The following ZBTB20 variants were observed in gnomAD, a reference collection of about 807,000 sequenced individuals.
The protein encoded by ZBTB20 is zinc finger and BTB domain containing 20, also known as zinc finger and BTB domain-containing protein 20.
ZBTB20 carries 9 observed loss-of-function variants against 56.9 expected under a neutral mutation model. The ratio of observed to expected loss-of-function variants is 0.16; its 90% CI spans 0.10 to 0.28. The LOEUF is 0.28. Among genes scored for constraint, ZBTB20 ranks in the 10% least tolerant of loss-of-function variants. The probability of loss-of-function intolerance (pLI) is 1.00; values close to 1 mark genes in which losing one functional copy is unlikely to be tolerated. For missense variants in ZBTB20, 655 were observed against 1,003.0 expected, an observed-to-expected ratio of 0.65 and a Z score of 4.69; for synonymous variants, 417 against 420.7, an observed-to-expected ratio of 0.99 and a Z score of 0.11.
At chr3:114,547,401 AAG>A (rs2050022038) in intron 6 of ZBTB20, among the ~76,000 whole-genome samples, 1 of 152,206 alleles carries the variant, frequency 6.6e-6, no homozygotes, top group African/African-American at 2.4e-5. Context: ...AAATAAAAGA[AAG>A]AGGCTGAATG....
At chr3:115,018,608 T>C (rs1421798318) in intron 2 of ZBTB20, among the ~76,000 whole-genome samples, 1 of 151,182 alleles carries the variant, frequency 6.6e-6, no homozygotes. Context: ...ACAAAAAAAA[T>C]GATGATCGCA....
chr3:114,331,684 G>A lies in ZBTB20; in HGVS notation c.*7321C>T, dbSNP rs765374067. On this transcript the variant is annotated 3_prime_UTR_variant, in exon 12 of 12. Coordinates refer to ENST00000675478, the MANE Select transcript of ZBTB20 (RefSeq NM_001348800.3). ...AAGTTTCTCATGAAACGGATACATA[G>A]AAATTACTGATGGTTGGGCTCCTTC... The A allele has an allele frequency of 9.2e-5, 14 of 152,156 alleles. No individual in the cohort carries two copies. Among genetic ancestry groups the A allele is most frequent in the Non-Finnish European group, 1.9e-4 (13 of 68,024 alleles). The allele number at this position is 152,156 out of a possible 1,614,324, so 9.4% of individuals were successfully genotyped here.
chr3:114,441,508 A>C (rs1408983387), intron 7 of ZBTB20, among the ~76,000 whole-genome samples: 3 of 152,118 alleles, frequency 2.0e-5, no homozygotes, highest in Admixed American at 1.3e-4. Flanking sequence ...GACCCACTGC[A>C]CTACGAATGT....
intron 5 of ZBTB20, among the ~76,000 whole-genome samples, chr3:114,758,592 T>A (rs901151152): frequency 6.6e-6 from 1 of 152,216 alleles, no homozygotes; most frequent in African/African-American, 2.4e-5. Flanking sequence ...AATCAAGTGA[T>A]AATTTTACAC....
In ZBTB20 at chr3:114,650,410, C is replaced by G. The variant is rs539298305; in HGVS notation, c.-295+43118G>C. 2.0e-5 allele frequency among the ~76,000 whole-genome samples: 3 copies of G among 151,920 alleles called. No homozygotes were observed. In the South Asian group the frequency reaches 6.2e-4, roughly 32 times the overall value. ...ATGCACTTTTGTCTGTCAATACTTT[C>G]TCCTGTTATTTTTAATATCCCTAGA... is the stretch of plus-strand genomic sequence containing the variant. On this transcript the variant is annotated intron_variant, in intron 6 of 11. Coordinates refer to ENST00000675478, the MANE Select transcript of ZBTB20 (RefSeq NM_001348800.3).
At chr3:114,776,035 T>TTC (rs200929603) in intron 5 of ZBTB20, among the ~76,000 whole-genome samples, 9,923 of 145,910 alleles carry the variant, frequency 0.068, 344 homozygotes, top group Middle Eastern at 0.14. Flanking sequence ...TTTTTTTCTT[T>TTC]TTTTTTTTTT....
intron 7 of ZBTB20, among the ~76,000 whole-genome samples, chr3:114,492,079 C>T (rs1210625768): frequency 6.6e-6 from 1 of 152,142 alleles, no homozygotes; most frequent in Non-Finnish European, 1.5e-5. Context: ...TTCTTGGTGG[C>T]TCCTTCTGAG....
intron 1 of ZBTB20, among the ~76,000 whole-genome samples, chr3:115,146,586 T>C (rs1263881744): frequency 6.6e-6 from 1 of 152,142 alleles, no homozygotes; most frequent in Non-Finnish European, 1.5e-5. Flanking sequence ...CCCTCCTCTC[T>C]AGTCGTAGAA....
At chr3:114,766,417 C>T (rs941922758) in intron 5 of ZBTB20, among the ~76,000 whole-genome samples, 2 of 151,572 alleles carry the variant, frequency 1.3e-5, no homozygotes, top group South Asian at 2.1e-4. Context: ...AACAGGTGCT[C>T]TTAAATGCTT....
intron 6 of ZBTB20, among the ~76,000 whole-genome samples, chr3:114,682,941 A>G (rs1275485905): frequency 6.6e-6 from 1 of 152,244 alleles, no homozygotes; most frequent in Non-Finnish European, 1.5e-5. Flanking sequence ...TGAAATGAGC[A>G]GAGACTTTAG....
chr3:114,706,343 T>G (rs1286159404), intron 5 of ZBTB20, among the ~76,000 whole-genome samples: 1 of 152,192 alleles, frequency 6.6e-6, no homozygotes, highest in Non-Finnish European at 1.5e-5. Context: ...TGACTTTCTC[T>G]TGTATTAATG....
chr3:114,497,499 C>T (rs1012983186), intron 7 of ZBTB20, among the ~76,000 whole-genome samples: 3 of 152,172 alleles, frequency 2.0e-5, no homozygotes, highest in Non-Finnish European at 2.9e-5. Context: ...AATGCTCTTA[C>T]ATTTTTCTTG....
chr3:114,898,186 G>C (rs1265024214), intron 4 of ZBTB20, among the ~76,000 whole-genome samples: 1 of 152,034 alleles, frequency 6.6e-6, no homozygotes, highest in African/African-American at 2.4e-5. Flanking sequence ...AGATAGGGAG[G>C]GAGAAGCATA....
intron 7 of ZBTB20, among the ~76,000 whole-genome samples, chr3:114,474,668 C>G (rs1302197371): frequency 6.6e-6 from 1 of 152,152 alleles, no homozygotes; most frequent in African/African-American, 2.4e-5. Context: ...CCCTCCCAAC[C>G]CTTCTCCTGC....
chr3:114,814,236 A>T (rs916874215), intron 4 of ZBTB20, among the ~76,000 whole-genome samples: 3 of 149,196 alleles, frequency 2.0e-5, no homozygotes, highest in African/African-American at 7.3e-5. Flanking sequence ...TATTTACTTA[A>T]TTTATATTAT....
In ZBTB20 at chr3:114,978,565, A is replaced by G. The variant is rs190762001; in HGVS notation, c.-506-4149T>C. Among the ~76,000 whole-genome samples, 111 of 151,688 alleles carry G rather than the reference A, an allele frequency of 7.3e-4. 1 individual carries two copies. In the East Asian group the frequency reaches 0.015, roughly 20 times the overall value. ...GTTATAAAATGGTAATAATGATAAC[A>G]TACCATACCAATATTTAATAATTTT... On this transcript the variant is annotated intron_variant, in intron 2 of 11. Coordinates refer to ENST00000675478, the MANE Select transcript of ZBTB20 (RefSeq NM_001348800.3).
In ZBTB20 at chr3:114,724,368, G is replaced by T. The variant is rs935582475; in HGVS notation, c.-342-30793C>A. Among the ~76,000 whole-genome samples the T allele has an allele frequency of 3.9e-5, 6 of 152,152 alleles. No homozygotes were observed. In the East Asian group the frequency reaches 1.2e-3, roughly 29 times the overall value. On this transcript the variant is annotated intron_variant, in intron 5 of 11. Transcript: ENST00000675478. ...AAGATGACAGTTGACTAACATCATA[G>T]AATCTCAGAGTTTGGACATAAACTT...
chr3:114,667,010 G>A (rs1440982963), intron 6 of ZBTB20, among the ~76,000 whole-genome samples: 1 of 152,026 alleles, frequency 6.6e-6, no homozygotes, highest in African/African-American at 2.4e-5. Flanking sequence ...CATATGAAAT[G>A]TGTAAAAGCG....
chr3:115,079,474 C>T (rs755884232), intron 1 of ZBTB20, among the ~76,000 whole-genome samples: 33 of 152,174 alleles, frequency 2.2e-4, no homozygotes, highest in Middle Eastern at 3.4e-3. Context: ...CTGCATCCTC[C>T]GCCTCCTGGG....
Sources: gnomAD v4.1 joint callset for allele counts (sites outside exome capture counted in the v4.1 genomes callset) on GRCh38, gnomAD v4.1.1 for gene constraint, MANE v1.5 for transcripts, NCBI Gene and HGNC (gene_info 2026-07-23, HGNC 2026-07-21) for gene names.